The following ASCC3 variants were observed in gnomAD, a reference collection of about 807,000 sequenced individuals.
The protein encoded by ASCC3 is activating signal cointegrator 1 complex subunit 3.
A neutral mutation model predicts 256.3 loss-of-function variants in ASCC3; 158 were observed. That is an observed-to-expected ratio of 0.62 (90% CI 0.54 to 0.70). The LOEUF (loss-of-function observed/expected upper bound fraction) is 0.70. Among genes scored for constraint, ASCC3 ranks in the 30% least tolerant of loss-of-function variants. ASCC3 has a pLI of 0.00. For missense variants in ASCC3, 2,259 were observed against 2,626.0 expected, an observed-to-expected ratio of 0.86 and a Z score of 3.05; for synonymous variants, 948 against 883.4, an observed-to-expected ratio of 1.07 and a Z score of -1.30.
chr6:100,848,513 G>A lies in ASCC3; in HGVS notation c.436C>T (p.Leu146Phe), dbSNP rs9390698. ...TCTGTCATCTGCACAAGAGCAGTAA[G>A]ATCATCTTGACTAAAATGAGAAATA... ...RIISHFSQDDLTALVQMTEKE... is the reference protein window; with the variant it reads ...RIISHFSQDDFTALVQMTEKE... The change falls in exon 4 of 42, where the codon CTT becomes TTT. Residue 146 changes from leucine to phenylalanine, a missense_variant. By Grantham distance (22) the Leu-to-Phe change is conservative. Transcript: ENST00000369162. The A allele has an allele frequency of 0.42, 680,188 of 1,613,734 alleles. 150,846 individuals are homozygous for A. Among genetic ancestry groups the A allele is most frequent in the Non-Finnish European group, 0.46 (544,338 of 1,179,878 alleles).
chr6:100,814,182 CA>C (rs1770628178), intron 4 of ASCC3, among the ~76,000 whole-genome samples: 1 of 152,288 alleles, frequency 6.6e-6, no homozygotes, highest in African/African-American at 2.4e-5. Flanking sequence ...GCCTTTTCTA[CA>C]TCTATTGAGG....
At chr6:100,774,903 G>C (rs1401595284) in intron 8 of ASCC3, among the ~76,000 whole-genome samples, 1 of 152,138 alleles carries the variant, frequency 6.6e-6, no homozygotes, top group East Asian at 1.9e-4. Flanking sequence ...GTATGTGAGG[G>C]AGAGACAGTC....
intron 10 of ASCC3, among the ~76,000 whole-genome samples, chr6:100,741,370 C>G (rs1780425781): frequency 6.6e-6 from 1 of 152,054 alleles, no homozygotes. Flanking sequence ...TGGGATTGAT[C>G]TTCTCATGGA....
intron 10 of ASCC3, among the ~76,000 whole-genome samples, chr6:100,757,960 A>G (rs763477243): frequency 1.3e-5 from 2 of 152,176 alleles, no homozygotes; most frequent in African/African-American, 2.4e-5. Flanking sequence ...CCAGCCAAAC[A>G]CCACAGAGAA....
intron 1 of ASCC3, among the ~76,000 whole-genome samples, chr6:100,872,989 C>T (rs1773822218): frequency 6.6e-6 from 1 of 152,016 alleles, no homozygotes. Flanking sequence ...TTTAACACCC[C>T]CCCCAAAAAA....
At chr6:100,805,718 A>C (rs958354709) in intron 5 of ASCC3, 42 bp downstream of exon 5, 2 of 1,598,868 alleles carry the variant, frequency 1.3e-6, no homozygotes, top group Non-Finnish European at 1.7e-6. Flanking sequence ...TAACCAATGA[A>C]TATTTCCTTT....
At chr6:100,770,675 A>G (rs1488877690) in intron 8 of ASCC3, among the ~76,000 whole-genome samples, 1 of 152,038 alleles carries the variant, frequency 6.6e-6, no homozygotes, top group Non-Finnish European at 1.5e-5. Context: ...CTAAAAAATT[A>G]CATTTCTATA....
chr6:100,773,750 A>G (rs1782047502), intron 8 of ASCC3, among the ~76,000 whole-genome samples: 2 of 152,124 alleles, frequency 1.3e-5, no homozygotes. Context: ...TAGGCTACTA[A>G]ATACATTTTT....
At chr6:100,601,485 A>G (rs573478451) in intron 34 of ASCC3, among the ~76,000 whole-genome samples, 3 of 152,236 alleles carry the variant, frequency 2.0e-5, no homozygotes, top group South Asian at 4.1e-4. Flanking sequence ...TCTTTTCTGA[A>G]TTCCAACTGC....
chr6:100,642,468 GAA>G, intron 24 of ASCC3, 111 bp downstream of exon 24: 7 of 1,077,558 alleles, frequency 6.5e-6, no homozygotes, highest in Middle Eastern at 2.8e-4. Context: ...GAGTTATAGA[GAA>G]GTTATAATGA....
Position 100,799,536 on chromosome 6 carries a change from A to G in ASCC3, c.1164T>C (p.Ile388=). 6.2e-7 allele frequency: 1 copy of G among 1,612,934 alleles called. No individual in the cohort carries two copies. Among genetic ancestry groups the G allele is most frequent in the Non-Finnish European group, 8.5e-7 (1 of 1,179,444 alleles). The change falls in exon 7 of 42, where the codon ATT becomes ATC. Residue 388 remains isoleucine (I), a synonymous_variant. Coordinates refer to ENST00000369162, the MANE Select transcript of ASCC3 (RefSeq NM_006828.4). ...CGTCTGCATCTCTCTGCCTGCTCAG[A>G]ATTGGAACACTTCTAGCATTCAGAA... The part of the protein sequence containing the change: ...QALLNARSVP[I]LSRQRDADVE...
chr6:100,718,704 C>A (rs1303171571), intron 11 of ASCC3, among the ~76,000 whole-genome samples: 1 of 151,908 alleles, frequency 6.6e-6, no homozygotes, highest in Non-Finnish European at 1.5e-5. Context: ...TGTCACTGAG[C>A]TCCAACATCG....
At chr6:100,562,089 C>G (rs1239656323) in intron 36 of ASCC3, among the ~76,000 whole-genome samples, 1 of 152,034 alleles carries the variant, frequency 6.6e-6, no homozygotes, top group African/African-American at 2.4e-5. Flanking sequence ...CTGAAATAAT[C>G]AAATTTCTGA....
chr6:100,794,385 T>G (rs1176421849), intron 8 of ASCC3, among the ~76,000 whole-genome samples: 1 of 152,102 alleles, frequency 6.6e-6, no homozygotes, highest in Non-Finnish European at 1.5e-5. Context: ...AACAGCAATT[T>G]CATGCAACAT....
intron 4 of ASCC3, among the ~76,000 whole-genome samples, chr6:100,814,258 G>A (rs1445855746): frequency 6.6e-6 from 1 of 152,152 alleles, no homozygotes; most frequent in Non-Finnish European, 1.5e-5. Context: ...ATTTGCATAT[G>A]CTGAACCAAC....
chr6:100,652,199 G>C (rs750314101), intron 18 of ASCC3, among the ~76,000 whole-genome samples: 1 of 152,056 alleles, frequency 6.6e-6, no homozygotes, highest in African/African-American at 2.4e-5. Context: ...ACAGGTTTAG[G>C]ATATAGAGTG....
chr6:100,615,451 G>A (rs1307105580), intron 30 of ASCC3, among the ~76,000 whole-genome samples: 2 of 151,738 alleles, frequency 1.3e-5, no homozygotes, highest in Non-Finnish European at 2.9e-5. Flanking sequence ...TTCCTAAGCT[G>A]CCACTTGCTT....
intron 14 of ASCC3, among the ~76,000 whole-genome samples, chr6:100,672,506 T>C (rs1380615842): frequency 2.0e-5 from 3 of 152,086 alleles, no homozygotes; most frequent in African/African-American, 7.2e-5. Flanking sequence ...CTATCTCTTA[T>C]TGTGTTTTTC....
At chr6:100,525,300 G>T (rs1774526031) in intron 37 of ASCC3, among the ~76,000 whole-genome samples, 1 of 150,574 alleles carries the variant, frequency 6.6e-6, no homozygotes, top group South Asian at 2.1e-4. Context: ...GAGTTTAAAA[G>T]AAAGAAATTT....
Sources: gnomAD v4.1 joint callset for allele counts (sites outside exome capture counted in the v4.1 genomes callset) on GRCh38, gnomAD v4.1.1 for gene constraint, MANE v1.5 for transcripts, NCBI Gene and HGNC (gene_info 2026-07-23, HGNC 2026-07-21) for gene names.